Variants in C3orf20 observed in about 807,000 individuals in gnomAD.
The protein encoded by C3orf20 is family with sequence similarity 149 member C.
C3orf20 carries 76 observed loss-of-function variants against 88.3 expected under a neutral mutation model. The ratio of observed to expected loss-of-function variants is 0.86; its 90% CI spans 0.72 to 1.04. The LOEUF (loss-of-function observed/expected upper bound fraction) is 1.04. C3orf20 is among the 50% of genes least tolerant of loss of function. The probability of loss-of-function intolerance (pLI) is 0.00; values close to 1 mark genes in which losing one functional copy is unlikely to be tolerated. For synonymous variants in C3orf20, 436 were observed against 437.4 expected, an observed-to-expected ratio of 1.00 and a Z score of 0.04; for missense variants, 1,056 against 1,123.3, an observed-to-expected ratio of 0.94 and a Z score of 0.86.
At chr3:14,692,142 T>C (rs2032764709) in intron 5 of C3orf20, among the ~76,000 whole-genome samples, 1 of 152,236 alleles carries the variant, frequency 6.6e-6, no homozygotes, top group African/African-American at 2.4e-5. Flanking sequence ...TCCATTTATC[T>C]GTTGTTGATT....
chr3:14,685,795 T>C (rs1295627587), intron 4 of C3orf20, among the ~76,000 whole-genome samples: 1 of 152,120 alleles, frequency 6.6e-6, no homozygotes, highest in Non-Finnish European at 1.5e-5. Flanking sequence ...TCTGGCTTTT[T>C]TTTCATTCAG....
chr3:14,710,818 G>A (rs1443585260), intron 7 of C3orf20, among the ~76,000 whole-genome samples: 1 of 152,010 alleles, frequency 6.6e-6, no homozygotes. Flanking sequence ...TGCTGTTGTT[G>A]GGTGGGATTC....
chr3:14,690,409 C>T (rs1175523392), intron 5 of C3orf20, among the ~76,000 whole-genome samples: 2 of 152,192 alleles, frequency 1.3e-5, no homozygotes, highest in East Asian at 3.9e-4. Flanking sequence ...TCCCACCAAA[C>T]CCATCTCTTC....
At chr3:14,764,480 T>TTTATTA (rs374160361) in intron 15 of C3orf20, among the ~76,000 whole-genome samples, 21,347 of 148,570 alleles carry the variant, frequency 0.14, 1,871 homozygotes, top group Non-Finnish European at 0.2. Flanking sequence ...AACACAATCG[T>TTTATTA]TTATTATTAT....
intron 12 of C3orf20, among the ~76,000 whole-genome samples, chr3:14,745,163 T>G (rs755860482): frequency 1.3e-5 from 2 of 152,046 alleles, no homozygotes; most frequent in Non-Finnish European, 2.9e-5. Flanking sequence ...GAGGTTAGAT[T>G]TGATGTGCAG....
chr3:14,678,989 C>G (rs1392436379), intron 1 of C3orf20, among the ~76,000 whole-genome samples: 2 of 152,226 alleles, frequency 1.3e-5, no homozygotes. Flanking sequence ...CGGATCCCCC[C>G]ACATCCCAGA....
chr3:14,735,623 T>G (rs1235485276), intron 12 of C3orf20, among the ~76,000 whole-genome samples: 2 of 151,844 alleles, frequency 1.3e-5, no homozygotes, highest in African/African-American at 4.8e-5. Context: ...AGGCGAAGTC[T>G]CTCTCTGTCA....
chr3:14,695,010 T>G (rs1362451926), intron 5 of C3orf20, among the ~76,000 whole-genome samples: 2 of 152,152 alleles, frequency 1.3e-5, no homozygotes, highest in East Asian at 3.8e-4. Context: ...AGGCTGGTCT[T>G]GAACTTCTGA....
At chr3:14,736,887 G>A (rs1042603431) in intron 12 of C3orf20, among the ~76,000 whole-genome samples, 2 of 152,168 alleles carry the variant, frequency 1.3e-5, no homozygotes, top group African/African-American at 4.8e-5. Context: ...ATTTTGAGTG[G>A]TATTTTCTGT....
chr3:14,711,581 G>A (rs530548307), intron 7 of C3orf20, among the ~76,000 whole-genome samples: 6 of 150,718 alleles, frequency 4.0e-5, no homozygotes, highest in East Asian at 1.9e-4. Context: ...TCTTAGACAC[G>A]GCATATGGTT....
chr3:14,761,353 C>A, intron 14 of C3orf20, 120 bp from the exon 15 acceptor site: 1 of 1,199,160 alleles, frequency 8.3e-7, no homozygotes, highest in Non-Finnish European at 1.2e-6. Context: ...TGCCTCACGG[C>A]GTAAGCTCTG....
At chr3:14,715,481 T>A in intron 9 of C3orf20, 72 bp downstream of exon 9, 1 of 1,538,914 alleles carries the variant, frequency 6.5e-7, no homozygotes, top group East Asian at 2.3e-5. Context: ...CATCCTGCCA[T>A]GCACTGCCTA....
In C3orf20 at chr3:14,761,481, CG is replaced by C. The variant is rs762124133; in HGVS notation, c.2367del (p.Lys790SerfsTer9). 8.1e-6 allele frequency: 13 copies of C among 1,613,740 alleles called. No homozygotes were observed. The highest frequency in any genetic ancestry group is 2.2e-5 in the East Asian group (1 of 44,806). On this transcript the variant is annotated frameshift_variant, in exon 15 of 17. Coordinates refer to ENST00000253697, the MANE Select transcript of C3orf20 (RefSeq NM_032137.5). LOFTEE classifies it high-confidence loss of function. ...VVQGMILMFA[G>X]GKLIFGGRVL... ...TTCCTTCCTGTCAACAGATGTTTGC[CG>C]GGGGGAAGCTCATTTTTGGGGGCCG...
intron 12 of C3orf20, among the ~76,000 whole-genome samples, chr3:14,743,907 G>A (rs546737824): frequency 4.6e-5 from 7 of 152,086 alleles, no homozygotes; most frequent in African/African-American, 9.7e-5. Flanking sequence ...CCCAGCCCAC[G>A]AAACCACTTT....
chr3:14,769,991 C>T (rs146272033), intron 15 of C3orf20, among the ~76,000 whole-genome samples: 13 of 152,236 alleles, frequency 8.5e-5, no homozygotes, highest in African/African-American at 1.4e-4. Context: ...GAGCCTTTTC[C>T]CCTGCACTCC....
chr3:14,707,017 A>G (rs1045175426), intron 7 of C3orf20, among the ~76,000 whole-genome samples: 2 of 152,218 alleles, frequency 1.3e-5, no homozygotes, highest in Admixed American at 6.5e-5. Context: ...TGGGAGTCCA[A>G]GGCAGGCAGA....
At chr3:14,738,815 G>GTTTTTT (rs71038433) in intron 12 of C3orf20, among the ~76,000 whole-genome samples, 50 of 97,760 alleles carry the variant, frequency 5.1e-4, no homozygotes, top group Admixed American at 1.1e-3. Context: ...TAATTTTTTT[G>GTTTTTT]TTTTTTTTTT....
In C3orf20 at chr3:14,701,376, AAGTT is replaced by A. The variant is rs1015833950; in HGVS notation, c.746-1752_746-1749del. On this transcript the variant is annotated intron_variant, in intron 5 of 16. Transcript: ENST00000253697. The surrounding 1 kb of genome is among the most constrained non-coding windows in gnomAD (Gnocchi z 4.6). Reference sequence around the variant, plus strand: ...AGGTTTCATCCTCAAATCCAAGGTGAAGTTAAGCCTGCATACTTCGAGGCTGCAG... The same window carrying A: ...AGGTTTCATCCTCAAATCCAAGGTGAAAGCCTGCATACTTCGAGGCTGCAG... 1.8e-4 allele frequency among the ~76,000 whole-genome samples: 28 copies of A among 152,138 alleles called. No individual in the cohort carries two copies. Among genetic ancestry groups the A allele is most frequent in the Non-Finnish European group, 3.2e-4 (22 of 68,034 alleles).
chr3:14,700,746 C>T (rs978215280), intron 5 of C3orf20, among the ~76,000 whole-genome samples: 9 of 152,364 alleles, frequency 5.9e-5, no homozygotes, highest in African/African-American at 2.2e-4. Flanking sequence ...GTAACTCTAG[C>T]CCAGCAATGT....
Sources: gnomAD v4.1 joint callset for allele counts (sites outside exome capture counted in the v4.1 genomes callset) on GRCh38, gnomAD v4.1.1 for gene constraint, Gnocchi (gnomAD v3.1) non-coding constraint, MANE v1.5 for transcripts, NCBI Gene and HGNC (gene_info 2026-07-23, HGNC 2026-07-21) for gene names.